The following SHPRH variants were observed in gnomAD, a reference collection of about 807,000 sequenced individuals.
SHPRH encodes the protein E3 ubiquitin-protein ligase SHPRH.
A neutral mutation model predicts 202.5 loss-of-function variants in SHPRH; 106 were observed. That is an observed-to-expected ratio of 0.52 (90% CI 0.45 to 0.62). SHPRH has a LOEUF of 0.62. SHPRH is among the 20% of genes least tolerant of loss of function. The probability of loss-of-function intolerance (pLI) is 0.00; values close to 1 mark genes in which losing one functional copy is unlikely to be tolerated. For synonymous variants in SHPRH, 729 were observed against 686.0 expected (o/e 1.06, Z -0.98); for missense variants, 1,710 against 2,020.0 (o/e 0.85, Z 2.94).
At position 145,943,734 on chromosome 6, in the gene SHPRH, T is replaced by C. The variant is rs964627726; in HGVS notation, c.1647A>G (p.Glu549=). Residue 549 remains glutamate (E), a synonymous_variant, in exon 9 of 30, where the codon GAA becomes GAG. Transcript: ENST00000275233. ...RKSGNKDTDS[E]YLPSDTSDDD... ...CATCAGAGGTGTCTGATGGCAAGTA[T>C]TCAGAATCTGTGTCCTTGTTCCCTG... The C allele has an allele frequency of 3.1e-6, 5 of 1,612,470 alleles. No individual in the cohort carries two copies. The highest frequency in any genetic ancestry group is 2.2e-5 in the East Asian group (1 of 44,846).
chr6:145,875,674 T>C (rs1780268860), intron 2 of SHPRH, among the ~76,000 whole-genome samples: 1 of 152,198 alleles, frequency 6.6e-6, no homozygotes, highest in African/African-American at 2.4e-5. Flanking sequence ...TGAGGGTTAA[T>C]GAGAGGTTTT....
At chr6:145,933,247 T>C (rs534252282) in intron 13 of SHPRH, 69 bp from the exon 14 acceptor site, 3 of 1,608,510 alleles carry the variant, frequency 1.9e-6, no homozygotes, top group African/African-American at 1.3e-5. Flanking sequence ...GGGAGTGTTA[T>C]ATCTCACATG....
chr6:145,955,838 C>T (rs566803432), intron 1 of SHPRH, among the ~76,000 whole-genome samples: 56 of 151,622 alleles, frequency 3.7e-4, no homozygotes, highest in African/African-American at 1.3e-3. Context: ...TCAAAAAGCC[C>T]CAGAAAAGAC....
chr6:145,909,978 A>C (rs545699079), intron 25 of SHPRH: 1 of 152,724 alleles, frequency 6.5e-6, no homozygotes, highest in Non-Finnish European at 1.5e-5. Context: ...ATATCAATCT[A>C]TGCTGTTTAA....
chr6:145,949,871 G>A (rs1195499899), intron 4 of SHPRH, among the ~76,000 whole-genome samples: 1 of 152,060 alleles, frequency 6.6e-6, no homozygotes, highest in Admixed American at 6.6e-5. Flanking sequence ...TCCTACTTTT[G>A]TAAATTTGCT....
intron 24 of SHPRH, 69 bp downstream of exon 24, chr6:145,913,409 T>C (rs576248035): frequency 2.0e-5 from 28 of 1,418,822 alleles, no homozygotes; most frequent in Non-Finnish European, 2.4e-5. Context: ...GAGAGAAAGA[T>C]TTTATGTAGA....
rs78321104 is a variant in SHPRH, at chr6:145,891,459, A to G, written c.4874+1756T>C. Among the ~76,000 whole-genome samples, 28 of 152,098 alleles carry G rather than the reference A, an allele frequency of 1.8e-4. No homozygotes were observed. The East Asian group carries it at 5.2e-3, about 28-fold the overall frequency. ...CTTCCTCACCCTGCTCTACTTTTCC[A>G]GCTCCTAACATAGTCCAGATTGTAC... On this transcript the variant is annotated intron_variant, in intron 28 of 29. Transcript: ENST00000275233.
chr6:145,881,988 T>A (rs1186523252), downstream of SHPRH, among the ~76,000 whole-genome samples: 1 of 151,558 alleles, frequency 6.6e-6, no homozygotes, highest in Non-Finnish European at 1.5e-5. Flanking sequence ...ACCAGCTACC[T>A]GGGAGGTTGA....
intron 25 of SHPRH, among the ~76,000 whole-genome samples, chr6:145,896,051 C>A (rs1781988133): frequency 6.6e-6 from 1 of 151,916 alleles, no homozygotes; most frequent in South Asian, 2.1e-4. Context: ...TCCCTCAATC[C>A]TCTCAACACA....
chr6:145,950,169 G>A, intron 4 of SHPRH, 95 bp downstream of exon 4: 1 of 948,144 alleles, frequency 1.1e-6, no homozygotes, highest in Non-Finnish European at 1.6e-6. Context: ...ATATTTTCAG[G>A]ATGTTTATTT....
At chr6:145,922,200 G>T in intron 20 of SHPRH, 86 bp downstream of exon 20, 1 of 1,142,344 alleles carries the variant, frequency 8.8e-7, no homozygotes. Flanking sequence ...GGTTACTGTG[G>T]GGGAAAACAT....
rs753711819 is a variant in SHPRH, at chr6:145,922,735, C to G, written c.3647G>C (p.Gly1216Ala). Residue 1216 changes from glycine to alanine, a missense_variant, in exon 19 of 30, where the codon GGA becomes GCA. Physicochemically the swap from Gly to Ala is moderately conservative, Grantham distance 60. This residue lies in a region of SHPRH where 288 missense variants were observed against 317.8 expected (regional missense o/e 0.91). Transcript: ENST00000275233. ...LVREAVKNLE[G>A]PPSRNVIESA... The stretch of plus-strand genomic sequence containing the variant: ...CTCAATAACATTACGAGATGGAGGT[C>G]CCTCCAGGTTTTTTACAGCCTCTCT... 3 of 1,612,048 alleles carry G rather than the reference C, an allele frequency of 1.9e-6. No homozygotes were observed. The highest frequency in any genetic ancestry group is 8.5e-7 in the Non-Finnish European group (1 of 1,178,780).
At chr6:145,935,239 C>T (rs1785942835) in intron 12 of SHPRH, 39 bp downstream of exon 12, 1 of 1,608,120 alleles carries the variant, frequency 6.2e-7, no homozygotes, top group African/African-American at 1.3e-5. Context: ...TTTCTTTTCT[C>T]TTATAGTACC....
intron 27 of SHPRH, among the ~76,000 whole-genome samples, chr6:145,893,909 T>C (rs1175366924): frequency 1.3e-5 from 2 of 151,378 alleles, no homozygotes; most frequent in Non-Finnish European, 2.9e-5. Flanking sequence ...AATCTTTTCC[T>C]GTACTAAAAA....
At chr6:145,896,823 G>C (rs914615411) in intron 25 of SHPRH, among the ~76,000 whole-genome samples, 2 of 151,766 alleles carry the variant, frequency 1.3e-5, no homozygotes, top group Non-Finnish European at 2.9e-5. Context: ...CAATTAAAAG[G>C]AAAAATTAAA....
In SHPRH at chr6:145,948,396, A is replaced by C. The variant is rs183297053; in HGVS notation, c.983-46T>G. On this transcript the variant is annotated intron_variant, in intron 4 of 29. Coordinates refer to ENST00000275233, the MANE Select transcript of SHPRH (RefSeq NM_001042683.3). The stretch of plus-strand genomic sequence containing the variant: ...AATAACAAATTTTTGTTTTCCCTTC[A>C]GTCAGATAATCACATTAAAAAAAGA... 219 of 1,443,018 alleles carry C rather than the reference A, an allele frequency of 1.5e-4. 2 individuals carry two copies. The East Asian group carries it at 4.5e-3, about 30-fold the overall frequency. 89.4% of individuals were successfully genotyped at this position (1,443,018 alleles called of 1,614,324 possible). A position where few individuals can be genotyped will look rare whatever the true frequency, so the allele number is the denominator to read the frequency against.
rs532656034 is a variant in SHPRH at position 145,886,216 on chromosome 6, T to C, written c.*475A>G. The C allele has an allele frequency of 4.7e-6, 2 of 421,234 alleles. No homozygotes were observed. The highest frequency in any genetic ancestry group is 2.0e-5 in the African/African-American group (1 of 50,894). The allele number at this position is 421,234 out of a possible 1,614,324, so 26.1% of individuals were successfully genotyped here. On this transcript the variant is annotated 3_prime_UTR_variant, in exon 30 of 30. Coordinates refer to ENST00000275233, the MANE Select transcript of SHPRH (RefSeq NM_001042683.3). ...TAAGCCTACTCAAAAAATGGGTTAA[T>C]ATAATTCACCATCTACTTAAAATAT... is the stretch of plus-strand genomic sequence containing the variant.
downstream of SHPRH, among the ~76,000 whole-genome samples, chr6:145,860,849 A>G (rs796253836): frequency 2.0e-5 from 3 of 152,212 alleles, no homozygotes; most frequent in African/African-American, 7.2e-5. Context: ...ACCCACACAT[A>G]TATTGCCAAC....
Position 145,941,742 on chromosome 6 carries a change from C to T in SHPRH, c.2371G>A (p.Asp791Asn). 1 of 1,614,024 alleles carries T rather than the reference C, an allele frequency of 6.2e-7. No individual in the cohort carries two copies. The highest frequency in any genetic ancestry group is 1.1e-5 in the South Asian group (1 of 91,078). ...TTCTGGTTCCGTAGGCGACGCCCATCCTCACTATTGCTATGTGGGATATCG... is the reference window on the plus strand; with the variant it reads ...TTCTGGTTCCGTAGGCGACGCCCATTCTCACTATTGCTATGTGGGATATCG... ...YVDIPHSNSEDGRRLRNQKRY... is the reference protein window; with the variant it reads ...YVDIPHSNSENGRRLRNQKRY... Residue 791 changes from aspartate (D) to asparagine (N), a missense_variant, in exon 10 of 30, where the codon GAT (aspartate) becomes AAT (asparagine). Physicochemically the swap from Asp to Asn is conservative, Grantham distance 23. Coordinates refer to ENST00000275233, the MANE Select transcript of SHPRH (RefSeq NM_001042683.3).
Sources: allele counts gnomAD v4.1 joint callset (sites outside exome capture counted in the v4.1 genomes callset), GRCh38; gene constraint gnomAD v4.1.1; regional missense constraint gnomAD v4.1.1; transcripts MANE v1.5; gene names NCBI Gene and HGNC (gene_info 2026-07-23, HGNC 2026-07-21).